The following ADGRG4 variants were observed in gnomAD, a reference collection of about 807,000 sequenced individuals.
The protein encoded by ADGRG4 is G protein-coupled receptor 112.
In ADGRG4, 122 loss-of-function variants were observed where a neutral mutation model predicts 126.2. The ratio of observed to expected loss-of-function variants is 0.97; its 90% CI spans 0.83 to 1.12. The LOEUF (loss-of-function observed/expected upper bound fraction) is 1.12. Among genes scored for constraint, ADGRG4 ranks in the 50% most tolerant of loss-of-function variants. ADGRG4 has a pLI of 0.00. For missense variants in ADGRG4, 2,481 were observed against 2,251.8 expected (o/e 1.10, Z -2.06); for synonymous variants, 943 against 838.7 (o/e 1.12, Z -2.15).
intron 5 of ADGRG4, among the ~76,000 whole-genome samples, chrX:136,330,068 A>G (rs148837222): frequency 1.2e-3 from 136 of 110,842 alleles, no homozygotes; most frequent in African/African-American, 4.2e-3. Context: ...ATTGACATTG[A>G]TACAACCCAC....
At chrX:136,412,951 T>C (rs1603301561) in intron 24 of ADGRG4, among the ~76,000 whole-genome samples, 1 of 112,023 alleles carries the variant, frequency 8.9e-6, no homozygotes, top group East Asian at 2.8e-4. Context: ...GCAGCTTCTC[T>C]CAGTCTCAAT....
chrX:136,331,464 A>G (rs1056507985), intron 5 of ADGRG4, among the ~76,000 whole-genome samples: 3 of 112,739 alleles, frequency 2.7e-5, no homozygotes, highest in African/African-American at 9.7e-5. Context: ...CAGACTGTTT[A>G]CAAACTGTCA....
In ADGRG4 at chrX:136,348,440, T is replaced by C. The variant is rs139910250; in HGVS notation, c.4734T>C (p.Ser1578=). 1 of 1,206,906 alleles carries C rather than the reference T, an allele frequency of 8.3e-7. No homozygotes were observed. Among genetic ancestry groups the C allele is most frequent in the Non-Finnish European group, 1.1e-6 (1 of 892,413 alleles). ...NNSAFTPATV[S]SDTSTRVGLF... is the part of the protein sequence containing the mutation. ...CTGCTTTCACACCTGCAACAGTCTC[T>C]TCTGACACTTCCACAAGAGTTGGGT... is the stretch of plus-strand genomic sequence containing the variant. Residue 1578 remains serine (S), a synonymous_variant, in exon 6 of 26, where the codon TCT becomes TCC. Coordinates refer to ENST00000394143, the MANE Select transcript of ADGRG4 (RefSeq NM_153834.4).
intron 8 of ADGRG4, among the ~76,000 whole-genome samples, 177 bp from the exon 9 acceptor site, chrX:136,355,933 TTGCCACCATTTTGGTA>T (rs2075090917): frequency 8.9e-6 from 1 of 111,911 alleles, no homozygotes; most frequent in Non-Finnish European, 1.9e-5. Context: ...AATCAAAGGC[TTGCCACCATTTTGGTA>T]TGCATATAAT....
intron 15 of ADGRG4, among the ~76,000 whole-genome samples, chrX:136,384,521 C>T (rs1270683836): frequency 1.8e-5 from 2 of 111,706 alleles, no homozygotes; most frequent in East Asian, 5.6e-4. Flanking sequence ...CTCTTCACTC[C>T]TTCCTGAAGG....
chrX:136,354,327 G>T (rs1258342756), intron 8 of ADGRG4, among the ~76,000 whole-genome samples: 4 of 111,749 alleles, frequency 3.6e-5, no homozygotes, highest in Non-Finnish European at 3.8e-5. Flanking sequence ...CAAGATCAAG[G>T]TGTTGGCAGG....
chrX:136,351,509 A>G lies in ADGRG4; in HGVS notation c.6790A>G (p.Thr2264Ala). 8.7e-7 allele frequency: 1 copy of G among 1,148,408 alleles called. No individual in the cohort carries two copies. The highest frequency in any genetic ancestry group is 1.2e-6 in the Non-Finnish European group (1 of 853,551). 94.6% of individuals were successfully genotyped at this position (1,148,408 alleles called of 1,213,427 possible). ...VFVEEPRIPI[T>A]SVINEFTENS... is the part of the protein sequence containing the mutation. The stretch of plus-strand genomic sequence containing the variant: ...TGTTGAAGAGCCAAGGATCCCTATT[A>G]CCAGTGTTATAAATGAATTTACGGA... Residue 2264 changes from threonine (T) to alanine (A), a missense_variant, in exon 7 of 26, where the codon ACC (threonine) becomes GCC (alanine). Physicochemically the swap from Thr to Ala is moderately conservative, Grantham distance 58 (BLOSUM62 0). Transcript: ENST00000394143.
chrX:136,361,037 G>C (rs2075125087), intron 11 of ADGRG4, among the ~76,000 whole-genome samples: 1 of 110,621 alleles, frequency 9.0e-6, no homozygotes, highest in Admixed American at 9.7e-5. Context: ...TGTCAGGTGA[G>C]GTGGCTAATG....
At chrX:136,393,004 G>A (rs910475290) in intron 17 of ADGRG4, among the ~76,000 whole-genome samples, 1 of 111,966 alleles carries the variant, frequency 8.9e-6, no homozygotes, top group Non-Finnish European at 1.9e-5. Context: ...GTGTTAGATA[G>A]GTAAGATCTC....
At chrX:136,392,414 T>C (rs913724821) in intron 17 of ADGRG4, 60 bp downstream of exon 17, 70 of 972,388 alleles carry the variant, frequency 7.2e-5, no homozygotes, top group Non-Finnish European at 9.6e-5. Flanking sequence ...ACGACTTTTC[T>C]GTTAAAAGTA....
At chrX:136,383,865 T>C (rs868088490) in intron 15 of ADGRG4, among the ~76,000 whole-genome samples, 10 of 64,657 alleles carry the variant, frequency 1.5e-4, no homozygotes, top group African/African-American at 3.3e-4. Context: ...TTTCTTTCTT[T>C]CTTTCTTTCT....
At chrX:136,382,664 C>A (rs960042005) in intron 15 of ADGRG4, among the ~76,000 whole-genome samples, 1 of 111,617 alleles carries the variant, frequency 9.0e-6, no homozygotes, top group Non-Finnish European at 1.9e-5. Context: ...CTAAGAGATG[C>A]CCTAGTGGAT....
At chrX:136,351,998 T>G (rs930238382) in intron 7 of ADGRG4, among the ~76,000 whole-genome samples, 8 of 111,823 alleles carry the variant, frequency 7.2e-5, no homozygotes, top group African/African-American at 2.3e-4. Flanking sequence ...GACTAATACA[T>G]ACTCTCTGTA....
At chrX:136,334,492 TG>T (rs1382800982) in intron 5 of ADGRG4, among the ~76,000 whole-genome samples, 16 of 112,128 alleles carry the variant, frequency 1.4e-4, no homozygotes, top group African/African-American at 4.9e-4. Context: ...ATAACCTTGA[TG>T]GAATATTGAT....
intron 5 of ADGRG4, among the ~76,000 whole-genome samples, chrX:136,324,973 A>G (rs1215652843): frequency 8.9e-6 from 1 of 111,817 alleles, no homozygotes; most frequent in Non-Finnish European, 1.9e-5. Flanking sequence ...TTACACCTGT[A>G]TTTGTCTCCT....
At chrX:136,388,056 G>A (rs2075301377) in intron 16 of ADGRG4, among the ~76,000 whole-genome samples, 182 bp downstream of exon 16, 1 of 112,154 alleles carries the variant, frequency 8.9e-6, no homozygotes, top group Non-Finnish European at 1.9e-5. Flanking sequence ...ATGTTCTACA[G>A]TTTTTAGTTT....
intron 4 of ADGRG4, among the ~76,000 whole-genome samples, chrX:136,310,850 G>C (rs1242120574): frequency 8.9e-6 from 1 of 111,786 alleles, no homozygotes; most frequent in Admixed American, 9.5e-5. Context: ...GCATAAATGA[G>C]AGAAGAGGGC....
At chrX:136,326,274 A>AT (rs953967860) in intron 5 of ADGRG4, among the ~76,000 whole-genome samples, 1 of 111,867 alleles carries the variant, frequency 8.9e-6, no homozygotes. Flanking sequence ...TACAGGGCAG[A>AT]TTTTTTTTCA....
intron 5 of ADGRG4, among the ~76,000 whole-genome samples, chrX:136,337,235 C>A (rs747031442): frequency 8.9e-6 from 1 of 111,847 alleles, no homozygotes; most frequent in East Asian, 2.8e-4. Flanking sequence ...TCCCAAATTT[C>A]TAGGATTACA....
Sources: allele counts gnomAD v4.1 joint callset (sites outside exome capture counted in the v4.1 genomes callset), GRCh38; gene constraint gnomAD v4.1.1; transcripts MANE v1.5; gene names NCBI Gene and HGNC (gene_info 2026-07-23, HGNC 2026-07-21).